Variants in FGF12 observed in about 807,000 individuals in gnomAD.
FGF12 encodes the protein fibroblast growth factor 12.
A neutral mutation model predicts 23.6 loss-of-function variants in FGF12; 14 were observed. The observed-to-expected ratio is 0.59, with a 90% confidence interval of 0.39 to 0.93. FGF12 has a LOEUF of 0.93. Ranked by LOEUF, FGF12 falls within the 40% of genes least tolerant of loss-of-function variation. The pLI, the probability that FGF12 is intolerant of heterozygous loss-of-function variation, is 0.00. For missense variants in FGF12, 175 were observed against 217.8 expected, an observed-to-expected ratio of 0.80 and a Z score of 1.24; for synonymous variants, 62 against 77.3, an observed-to-expected ratio of 0.80 and a Z score of 1.04.
At chr3:192,199,845 A>G (rs112581208) in intron 4 of FGF12, among the ~76,000 whole-genome samples, 9 of 152,304 alleles carry the variant, frequency 5.9e-5, no homozygotes, top group African/African-American at 2.2e-4. Flanking sequence ...GAATAAAACC[A>G]TCACAGTTCA....
intron 4 of FGF12, among the ~76,000 whole-genome samples, chr3:192,192,675 A>G (rs1716855669): frequency 6.6e-6 from 1 of 151,820 alleles, no homozygotes; most frequent in Non-Finnish European, 1.5e-5. Context: ...CTTAAAAGGG[A>G]GAACATTTGA....
chr3:192,715,935 A>G (rs929023683), intron 2 of FGF12, among the ~76,000 whole-genome samples: 8 of 152,338 alleles, frequency 5.3e-5, no homozygotes, highest in African/African-American at 1.7e-4. Flanking sequence ...AATTGTCTAT[A>G]CGTGATATCA....
chr3:192,542,253 T>C (rs893007867), intron 2 of FGF12, among the ~76,000 whole-genome samples: 2 of 152,186 alleles, frequency 1.3e-5, no homozygotes, highest in Non-Finnish European at 2.9e-5. Context: ...AATTATCTCT[T>C]CCACCTGATT....
chr3:192,360,440 T>A lies in FGF12; in HGVS notation c.112A>T (p.Asn38Tyr), dbSNP rs781298099. Residue 38 changes from asparagine (N) to tyrosine (Y), a missense_variant, in exon 3 of 6, where the codon AAC becomes TAC. By Grantham distance (143) the Asn-to-Tyr change is moderately radical. Transcript: ENST00000445105. The surrounding 1 kb of genome is among the most constrained non-coding windows in gnomAD (Gnocchi z 4.3). Reference sequence around the variant, plus strand: ...TAATGTTTCTTACTGTAGTCGCTGTTTTCGTCCTTGGTCCCATCAATGGTA... The same window carrying A: ...TAATGTTTCTTACTGTAGTCGCTGTATTCGTCCTTGGTCCCATCAATGGTA... ...DGTIDGTKDE[N>Y]SDYTLFNLIP... 11 of 1,610,566 alleles carry A rather than the reference T, an allele frequency of 6.8e-6. No homozygotes were observed. In the East Asian group the frequency reaches 2.0e-4, roughly 29 times the overall value.
At chr3:192,226,894 TG>T (rs1577254053) in intron 4 of FGF12, among the ~76,000 whole-genome samples, 3 of 151,242 alleles carry the variant, frequency 2.0e-5, no homozygotes, top group African/African-American at 7.3e-5. Context: ...ATGTTGCACT[TG>T]GTAAATATAT....
At position 192,409,120 on chromosome 3, in the gene FGF12, C is replaced by T. The variant is rs916032628; in HGVS notation, c.14-48582G>A. ...GAGGGAGATCCTCGAGGGCCAAGCA[C>T]CCCTCGGGGAGAAACCAGCGAGAGG... On this transcript the variant is annotated intron_variant, in intron 2 of 5. Transcript: ENST00000445105. The surrounding 1 kb of genome is among the most constrained non-coding windows in gnomAD (Gnocchi z 4.8). 1.4e-5 allele frequency: 5 copies of T among 368,148 alleles called. No homozygotes were observed. The highest frequency in any genetic ancestry group is 1.9e-5 in the Non-Finnish European group (5 of 265,696). 22.8% of individuals were successfully genotyped at this position (368,148 alleles called of 1,614,324 possible).
intron 3 of FGF12, among the ~76,000 whole-genome samples, chr3:192,349,855 T>G (rs1308293073): frequency 6.6e-6 from 1 of 152,140 alleles, no homozygotes; most frequent in Non-Finnish European, 1.5e-5. Context: ...TCATTTTTGA[T>G]GGGGTTGTTC....
intron 4 of FGF12, among the ~76,000 whole-genome samples, chr3:192,265,034 C>G (rs1577297809): frequency 6.6e-6 from 1 of 152,072 alleles, no homozygotes; most frequent in Non-Finnish European, 1.5e-5. Flanking sequence ...AGTCAAACTT[C>G]AGGGACTTTT....
chr3:192,172,085 G>T (rs1042495827), intron 4 of FGF12, among the ~76,000 whole-genome samples: 1 of 152,038 alleles, frequency 6.6e-6, no homozygotes, highest in Admixed American at 6.6e-5. Flanking sequence ...GAAGAAAAAT[G>T]AGACTAAGAA....
intron 2 of FGF12, among the ~76,000 whole-genome samples, chr3:192,503,506 C>G (rs545684108): frequency 3.3e-5 from 5 of 151,550 alleles, no homozygotes; most frequent in Admixed American, 3.3e-4. Context: ...ATTTTTTATC[C>G]GTGAAAAACC....
intron 4 of FGF12, among the ~76,000 whole-genome samples, chr3:192,286,122 T>C (rs1433031291): frequency 6.6e-6 from 1 of 152,034 alleles, no homozygotes; most frequent in Non-Finnish European, 1.5e-5. Context: ...GTAACAGACA[T>C]ACTTTTGCTA....
chr3:192,312,806 C>T (rs1017660428), intron 4 of FGF12, among the ~76,000 whole-genome samples: 2 of 151,162 alleles, frequency 1.3e-5, no homozygotes, highest in African/African-American at 4.8e-5. Context: ...AACCCTGCTT[C>T]TCTCTCTTAT....
At chr3:192,497,016 A>T (rs988442061) in intron 2 of FGF12, among the ~76,000 whole-genome samples, 2 of 152,202 alleles carry the variant, frequency 1.3e-5, no homozygotes, top group African/African-American at 4.8e-5. Context: ...CTATATGCTG[A>T]TGAATCACAC....
rs545075092 is a variant in FGF12, at chr3:192,410,090, C to A, written c.14-49552G>T. Among the ~76,000 whole-genome samples the A allele has an allele frequency of 1.5e-4, 23 of 152,130 alleles. No homozygotes were observed. The East Asian group carries it at 4.5e-3, about 30-fold the overall frequency. On this transcript the variant is annotated intron_variant, in intron 2 of 5. Transcript: ENST00000445105. ...CCGAGATGGCAGGTGGGACGCAGAG[C>A]CCGCGGCAGCCAGAGTTCCTCCCGC...
At chr3:192,640,633 A>C (rs1003184663) in intron 2 of FGF12, among the ~76,000 whole-genome samples, 28 of 152,188 alleles carry the variant, frequency 1.8e-4, no homozygotes, top group African/African-American at 6.0e-4. Flanking sequence ...TCTTACATAA[A>C]ATGTGTTAAA....
chr3:192,385,863 C>A (rs1226665413), intron 2 of FGF12, among the ~76,000 whole-genome samples: 1 of 152,164 alleles, frequency 6.6e-6, no homozygotes, highest in African/African-American at 2.4e-5. Context: ...GCCCAGGCTC[C>A]AGGTAAACAT....
chr3:192,589,320 T>G (rs1447345892), intron 2 of FGF12, among the ~76,000 whole-genome samples: 1 of 143,672 alleles, frequency 7.0e-6, no homozygotes. Flanking sequence ...GGTGACAGAG[T>G]GAGACTCCAT....
At chr3:192,650,054 A>G (rs1001796466) in intron 2 of FGF12, among the ~76,000 whole-genome samples, 1 of 152,256 alleles carries the variant, frequency 6.6e-6, no homozygotes, top group Admixed American at 6.5e-5. Context: ...GACTTCATGT[A>G]GGAAACAGTC....
intron 4 of FGF12, among the ~76,000 whole-genome samples, chr3:192,243,465 C>T (rs1464828191): frequency 6.7e-6 from 1 of 150,062 alleles, no homozygotes; most frequent in Non-Finnish European, 1.5e-5. Context: ...TTCAAGGTAG[C>T]ATTTAACACT....
Sources: allele counts gnomAD v4.1 joint callset (sites outside exome capture counted in the v4.1 genomes callset), GRCh38; gene constraint gnomAD v4.1.1; non-coding constraint Gnocchi (gnomAD v3.1); transcripts MANE v1.5; gene names NCBI Gene and HGNC (gene_info 2026-07-23, HGNC 2026-07-21).